CRACDL: variants seen among roughly 807,000 people sequenced by gnomAD.
CRACDL encodes the protein CRACD-like protein.
In CRACDL, 26 loss-of-function variants were observed where a neutral mutation model predicts 70.6. The observed-to-expected ratio is 0.37, with a 90% CI of 0.27 to 0.51. The LOEUF (loss-of-function observed/expected upper bound fraction) is 0.51. Among genes scored for constraint, CRACDL ranks in the 20% least tolerant of loss-of-function variants. The pLI, the probability that CRACDL is intolerant of heterozygous loss-of-function variation, is 0.94. For synonymous variants in CRACDL, 618 were observed against 615.2 expected (o/e 1.00, Z -0.07); for missense variants, 1,283 against 1,376.9 (o/e 0.93, Z 1.08).
chr2:98,877,861 A>G (rs1280990576), intron 1 of CRACDL, among the ~76,000 whole-genome samples: 2 of 151,912 alleles, frequency 1.3e-5, no homozygotes, highest in East Asian at 1.9e-4. Flanking sequence ...TTCACTCACT[A>G]CTCACTCACT....
intron 1 of CRACDL, among the ~76,000 whole-genome samples, chr2:98,847,457 C>T (rs1312059100): frequency 6.6e-6 from 1 of 152,108 alleles, no homozygotes; most frequent in African/African-American, 2.4e-5. Context: ...ATATAATGAA[C>T]TCAAGGTATG....
At chr2:98,899,711 G>A (rs931701696) in intron 1 of CRACDL, among the ~76,000 whole-genome samples, 1 of 152,388 alleles carries the variant, frequency 6.6e-6, no homozygotes, top group East Asian at 1.9e-4. Context: ...CTGGAGGCCC[G>A]AGGCTGGCGC....
At chr2:98,820,622 C>G (rs111885532) in intron 7 of CRACDL, among the ~76,000 whole-genome samples, 61 of 152,318 alleles carry the variant, frequency 4.0e-4, no homozygotes, top group African/African-American at 1.4e-3. Context: ...ACAGATTTCT[C>G]ATTTCATCTG....
chr2:98,883,456 G>C (rs778033829), intron 1 of CRACDL, among the ~76,000 whole-genome samples: 29 of 152,208 alleles, frequency 1.9e-4, no homozygotes, highest in Non-Finnish European at 3.8e-4. Context: ...AGCCCTAGGG[G>C]CTCAAAGCAT....
intron 3 of CRACDL, 27 bp downstream of exon 3, chr2:98,838,092 G>A (rs770844117): frequency 1.1e-5 from 18 of 1,579,876 alleles, no homozygotes; most frequent in African/African-American, 2.7e-5. Flanking sequence ...GGTGCTCCTG[G>A]CCCGAGGGAT....
At chr2:98,876,161 G>A (rs577635251) in intron 1 of CRACDL, among the ~76,000 whole-genome samples, 1 of 152,304 alleles carries the variant, frequency 6.6e-6, no homozygotes, top group Admixed American at 6.5e-5. Context: ...AGAACAAATA[G>A]TATGTCTGAA....
At chr2:98,794,875 C>T (rs1024087449) in intron 9 of CRACDL, among the ~76,000 whole-genome samples, 1 of 151,608 alleles carries the variant, frequency 6.6e-6, no homozygotes, top group Non-Finnish European at 1.5e-5. Flanking sequence ...CAAGCTCAAA[C>T]AATTCTGGCA....
intron 1 of CRACDL, among the ~76,000 whole-genome samples, chr2:98,848,115 G>A (rs868847790): frequency 4.6e-5 from 7 of 152,152 alleles, no homozygotes; most frequent in African/African-American, 1.7e-4. Flanking sequence ...ATAAAATGAG[G>A]GTTGGACAGA....
In CRACDL at chr2:98,927,501, G is replaced by GA. The variant is rs11334026; in HGVS notation, c.-11+8436dup. Among the ~76,000 whole-genome samples, 1,074 of 137,910 alleles carry GA rather than the reference G, an allele frequency of 7.8e-3. 16 individuals are homozygous for GA. Among genetic ancestry groups the GA allele is most frequent in the East Asian group, 0.075 (354 of 4,702 alleles). 90.5% of individuals were successfully genotyped at this position (137,910 alleles called of 152,430 possible). A position where few individuals can be genotyped will look rare whatever the true frequency, so the allele number is the denominator to read the frequency against. On this transcript the variant is annotated intron_variant, in intron 1 of 9. Coordinates refer to ENST00000397899, the MANE Select transcript of CRACDL (RefSeq NM_207362.3). ...TCTTGGTAAAGACTCATCTCTTGGG[G>GA]AAAAAAAAAAAAAAAACTTGGTGTG...
intron 7 of CRACDL, among the ~76,000 whole-genome samples, chr2:98,798,113 A>C (rs1451334751): frequency 6.6e-6 from 1 of 152,144 alleles, no homozygotes; most frequent in Non-Finnish European, 1.5e-5. Flanking sequence ...GAAGGCCAAG[A>C]GGGGGTGGAT....
chr2:98,858,151 T>C lies in CRACDL; in HGVS notation c.-10-11341A>G, dbSNP rs61531177. Among the ~76,000 whole-genome samples the C allele has an allele frequency of 6.8e-3, 1,039 of 152,234 alleles. 8 individuals carry two copies. The highest frequency in any genetic ancestry group is 0.024 in the African/African-American group (986 of 41,542). The stretch of plus-strand genomic sequence containing the variant: ...AACAAAACCACAACATACCAAAACA[T>C]ATGTGATGCAGATAAAACACTGCTT... On this transcript the variant is annotated intron_variant, in intron 1 of 9. Transcript: ENST00000397899.
intron 1 of CRACDL, among the ~76,000 whole-genome samples, chr2:98,897,096 C>A (rs547973925): frequency 6.6e-5 from 10 of 152,070 alleles, no homozygotes; most frequent in Non-Finnish European, 1.5e-4. Context: ...CTAAAATCCT[C>A]CCCCATGCTG....
intron 1 of CRACDL, among the ~76,000 whole-genome samples, chr2:98,911,094 G>A (rs886462582): frequency 3.3e-5 from 5 of 152,152 alleles, no homozygotes; most frequent in Admixed American, 1.3e-4. Context: ...GTGAGGTGCC[G>A]AACTGAGAGG....
intron 1 of CRACDL, among the ~76,000 whole-genome samples, chr2:98,933,724 A>G (rs957103554): frequency 1.3e-5 from 2 of 152,180 alleles, no homozygotes; most frequent in African/African-American, 4.8e-5. Flanking sequence ...GACATCACAG[A>G]AAACCCACCC....
intron 1 of CRACDL, among the ~76,000 whole-genome samples, chr2:98,850,029 G>A (rs531960396): frequency 1.4e-4 from 22 of 152,328 alleles, no homozygotes; most frequent in Non-Finnish European, 2.6e-4. Context: ...TCACCACCAC[G>A]TGATACTGTT....
chr2:98,860,609 A>G lies in CRACDL; in HGVS notation c.-10-13799T>C, dbSNP rs894428218. Among the ~76,000 whole-genome samples, 7 of 152,366 alleles carry G rather than the reference A, an allele frequency of 4.6e-5. No individual in the cohort carries two copies. The South Asian group carries it at 8.3e-4, about 18-fold the overall frequency. ...TGTGTACTCTTACCTCACACTGGTT[A>G]CATAAAAATTACCCCAAAATGGCTC... On this transcript the variant is annotated intron_variant, in intron 1 of 9. Coordinates refer to ENST00000397899, the MANE Select transcript of CRACDL (RefSeq NM_207362.3).
rs574473475 is a variant in CRACDL, at chr2:98,804,044, T to G, written c.2417-6507A>C. Among the ~76,000 whole-genome samples the G allele has an allele frequency of 5.3e-5, 8 of 152,324 alleles. No individual in the cohort carries two copies. In the East Asian group the frequency reaches 1.5e-3, roughly 29 times the overall value. ...CCATTTATTGATCTGTTGTCAGTCT[T>G]GACTCACAGGCTGCTCCTGATCAAT... On this transcript the variant is annotated intron_variant, in intron 7 of 9. Transcript: ENST00000397899.
At chr2:98,868,035 G>A (rs1262130717) in intron 1 of CRACDL, among the ~76,000 whole-genome samples, 1 of 152,038 alleles carries the variant, frequency 6.6e-6, no homozygotes, top group Non-Finnish European at 1.5e-5. Context: ...CTCTATCCTG[G>A]CCCATATAAA....
At chr2:98,888,397 T>C (rs766778136) in intron 1 of CRACDL, among the ~76,000 whole-genome samples, 10 of 152,182 alleles carry the variant, frequency 6.6e-5, no homozygotes, top group Non-Finnish European at 1.3e-4. Flanking sequence ...AATAGACATA[T>C]GTAAGAGCAA....
Sources: gnomAD v4.1 joint callset for allele counts (sites outside exome capture counted in the v4.1 genomes callset) on GRCh38, gnomAD v4.1.1 for gene constraint, MANE v1.5 for transcripts, NCBI Gene and HGNC (gene_info 2026-07-23, HGNC 2026-07-21) for gene names.